Variants in XKR9 observed in about 807,000 individuals in gnomAD.
The protein encoded by XKR9 is XK-related protein 9.
In XKR9, 32 loss-of-function variants were observed where a neutral mutation model predicts 32.0. The observed-to-expected ratio is 1.00, with a 90% CI of 0.76 to 1.34. The LOEUF (loss-of-function observed/expected upper bound fraction) is 1.34. Among genes scored for constraint, XKR9 ranks in the 40% most tolerant of loss-of-function variants. The pLI is 0.00. For synonymous variants in XKR9, 168 were observed against 143.4 expected, an observed-to-expected ratio of 1.17 and a Z score of -1.22; for missense variants, 546 against 429.7, an observed-to-expected ratio of 1.27 and a Z score of -2.39.
chr8:70,852,226 C>G, the XKR9 span, among the ~76,000 whole-genome samples: 1 of 152,160 alleles, frequency 6.6e-6, no homozygotes, highest in Non-Finnish European at 1.5e-5. Context: ...ATCAAAACCA[C>G]AATGAGATAC....
At chr8:70,764,734 C>T (rs1184566514) in intron 2 of XKR9, among the ~76,000 whole-genome samples, 3 of 152,104 alleles carry the variant, frequency 2.0e-5, no homozygotes, top group African/African-American at 7.2e-5. Flanking sequence ...AATGCTATCC[C>T]TCCCCTTGCC....
At chr8:70,977,363 T>G in the XKR9 span, among the ~76,000 whole-genome samples, 15 of 152,320 alleles carry the variant, frequency 9.8e-5, no homozygotes, top group Middle Eastern at 3.4e-3. Context: ...TCCTGTTTTC[T>G]CTTGCATTTC....
chr8:70,920,069 A>G, the XKR9 span, among the ~76,000 whole-genome samples: 1 of 152,190 alleles, frequency 6.6e-6, no homozygotes, highest in African/African-American at 2.4e-5. Flanking sequence ...GCAGCAGTGC[A>G]TGCCTATGAG....
At chr8:71,034,243 T>C in the XKR9 span, among the ~76,000 whole-genome samples, 4 of 152,184 alleles carry the variant, frequency 2.6e-5, no homozygotes, top group African/African-American at 9.6e-5. Flanking sequence ...CCCCATGCTG[T>C]TCTCATGATA....
intron 2 of XKR9, among the ~76,000 whole-genome samples, chr8:70,784,952 C>A: frequency 6.6e-6 from 1 of 151,810 alleles, no homozygotes; most frequent in Non-Finnish European, 1.5e-5. Context: ...CTACACCTAC[C>A]AGGTGATCAT....
At chr8:70,925,702 C>T in the XKR9 span, among the ~76,000 whole-genome samples, 1 of 152,250 alleles carries the variant, frequency 6.6e-6, no homozygotes, top group South Asian at 2.1e-4. Context: ...ACAAAGCCAA[C>T]TGCAAGAACA....
intron 2 of XKR9, among the ~76,000 whole-genome samples, chr8:70,764,056 T>C (rs533502786): frequency 1.3e-5 from 2 of 152,360 alleles, no homozygotes; most frequent in African/African-American, 4.8e-5. Context: ...TTTGAGTCTA[T>C]AGCCTTATTG....
chr8:70,744,184 GC>G (rs1359582603), intron 2 of XKR9, among the ~76,000 whole-genome samples: 1 of 151,794 alleles, frequency 6.6e-6, no homozygotes, highest in Non-Finnish European at 1.5e-5. Flanking sequence ...GGTAGCAGGC[GC>G]CTCTAATCCC....
At chr8:70,824,311 A>G in the XKR9 span, among the ~76,000 whole-genome samples, 2 of 152,150 alleles carry the variant, frequency 1.3e-5, no homozygotes. Context: ...TATGAACACA[A>G]TTATTGTTTT....
Position 70,686,748 on chromosome 8 carries a change from A to G in XKR9, c.272+5418A>G, listed in dbSNP as rs369105259. Among the ~76,000 whole-genome samples, 6 of 152,178 alleles carry G rather than the reference A, an allele frequency of 3.9e-5. No homozygotes were observed. In the East Asian group the frequency reaches 5.8e-4, roughly 15 times the overall value. ...TTGAATGGTTTCTGAGGAGAAAGTG[A>G]ATGTAATTTTTACCTTTACTCCTTT... On this transcript the variant is annotated intron_variant, in intron 3 of 4. Transcript: ENST00000408926.
chr8:70,766,983 G>T (rs1454288073), intron 2 of XKR9, among the ~76,000 whole-genome samples: 1 of 152,158 alleles, frequency 6.6e-6, no homozygotes, highest in Non-Finnish European at 1.5e-5. Context: ...TTGATGTGCT[G>T]CTGGATACAA....
the XKR9 span, among the ~76,000 whole-genome samples, chr8:70,843,870 A>C: frequency 6.6e-6 from 1 of 152,134 alleles, no homozygotes; most frequent in Non-Finnish European, 1.5e-5. Context: ...TTGAGAGCTC[A>C]GCCCCCACCA....
intron 2 of XKR9, among the ~76,000 whole-genome samples, chr8:70,771,591 C>CT (rs756198098): frequency 6.6e-6 from 1 of 152,196 alleles, no homozygotes; most frequent in African/African-American, 2.4e-5. Flanking sequence ...AAATATTATG[C>CT]TTTTTTCCCC....
chr8:70,801,807 A>G, the XKR9 span, among the ~76,000 whole-genome samples: 1 of 152,138 alleles, frequency 6.6e-6, no homozygotes, highest in Non-Finnish European at 1.5e-5. Context: ...GTCTATTCAT[A>G]GGTCTCTAAG....
At chr8:70,865,732 GAA>G in the XKR9 span, among the ~76,000 whole-genome samples, 1 of 152,132 alleles carries the variant, frequency 6.6e-6, no homozygotes, top group African/African-American at 2.4e-5. Context: ...GATAATGGAA[GAA>G]AAAGTTACTT....
At chr8:70,911,759 G>A in the XKR9 span, among the ~76,000 whole-genome samples, 3 of 152,156 alleles carry the variant, frequency 2.0e-5, no homozygotes, top group East Asian at 1.9e-4. Flanking sequence ...AGGTGATAAG[G>A]CAGTGTGTTG....
chr8:71,002,362 G>C, the XKR9 span, among the ~76,000 whole-genome samples: 1 of 151,448 alleles, frequency 6.6e-6, no homozygotes, highest in African/African-American at 2.4e-5. Context: ...AGCTAAAGCC[G>C]TGGTAGGTTT....
At chr8:70,968,054 C>T in the XKR9 span, among the ~76,000 whole-genome samples, 2 of 152,188 alleles carry the variant, frequency 1.3e-5, no homozygotes, top group Non-Finnish European at 2.9e-5. Flanking sequence ...CCATTCTCCC[C>T]ATCTCTTTCA....
the XKR9 span, among the ~76,000 whole-genome samples, chr8:71,043,762 T>C: frequency 6.6e-6 from 1 of 152,180 alleles, no homozygotes; most frequent in East Asian, 1.9e-4. Context: ...TGAATAATTA[T>C]TTTTCTTTGT....
Sources: gnomAD v4.1 joint callset for allele counts (sites outside exome capture counted in the v4.1 genomes callset) on GRCh38, gnomAD v4.1.1 for gene constraint, MANE v1.5 for transcripts, NCBI Gene and HGNC (gene_info 2026-07-23, HGNC 2026-07-21) for gene names.